ARHGAP6: variants seen among roughly 807,000 people sequenced by gnomAD.
The protein encoded by ARHGAP6 is rho GTPase-activating protein 6.
Under a neutral mutation model 55.7 loss-of-function variants are expected in ARHGAP6, and 16 were observed. The observed-to-expected ratio is 0.29, with a 90% CI of 0.19 to 0.44. The LOEUF is 0.44. Ranked by LOEUF, ARHGAP6 falls within the 20% of genes least tolerant of loss-of-function variation. The probability of loss-of-function intolerance (pLI) is 1.00; values close to 1 mark genes in which losing one functional copy is unlikely to be tolerated. For missense variants in ARHGAP6, 698 were observed against 808.9 expected (o/e 0.86, Z 1.66); for synonymous variants, 382 against 360.9 (o/e 1.06, Z -0.66).
chrX:11,254,080 C>A lies in ARHGAP6; in HGVS notation c.748+468G>T, dbSNP rs140141835. Among the ~76,000 whole-genome samples, 765 of 111,379 alleles carry A rather than the reference C, an allele frequency of 6.9e-3. 3 individuals carry two copies. Among genetic ancestry groups the A allele is most frequent in the African/African-American group, 0.023 (718 of 30,619 alleles). ...TCCAGTGCAACATACAACACACCAGCTGAAAAACTGGCTAAAAAGGAGTTA... is the reference window on the plus strand; with the variant it reads ...TCCAGTGCAACATACAACACACCAGATGAAAAACTGGCTAAAAAGGAGTTA... On this transcript the variant is annotated intron_variant, in intron 2 of 12. Coordinates refer to ENST00000337414, the MANE Select transcript of ARHGAP6 (RefSeq NM_013427.3).
At chrX:11,174,592 T>TTCTTTTTC (rs1555964732) in intron 8 of ARHGAP6, among the ~76,000 whole-genome samples, 68 of 67,433 alleles carry the variant, frequency 1.0e-3, no homozygotes, top group East Asian at 5.6e-3. Context: ...CTTTCTTTCT[T>TTCTTTTTC]TTTCTTTCTT....
chrX:11,566,795 T>A, intron 1 of ARHGAP6, among the ~76,000 whole-genome samples: 1 of 112,385 alleles, frequency 8.9e-6, no homozygotes, highest in Non-Finnish European at 1.9e-5. Context: ...AAAAAAGGAT[T>A]GCAAAGCATA....
At chrX:11,324,636 G>C (rs969078729) in intron 1 of ARHGAP6, among the ~76,000 whole-genome samples, 4 of 110,382 alleles carry the variant, frequency 3.6e-5, no homozygotes, top group Admixed American at 2.9e-4. Context: ...TTTGTCTTCA[G>C]TTAATAAAAT....
rs1193346683 is a variant in ARHGAP6, at chrX:11,596,438, G to C, written c.588+67803C>G. 1.7e-4 allele frequency among the ~76,000 whole-genome samples: 19 copies of C among 111,250 alleles called. No individual in the cohort carries two copies. The Admixed American group carries it at 1.8e-3, about 11-fold the overall frequency. On this transcript the variant is annotated intron_variant, in intron 1 of 12. Coordinates refer to ENST00000337414, the MANE Select transcript of ARHGAP6 (RefSeq NM_013427.3). ...GACCTGTCAGTGGGTTGGGGGAGTA[G>C]GGGAGGGATAACATTAGGAGAAATA...
intron 1 of ARHGAP6, among the ~76,000 whole-genome samples, chrX:11,391,231 A>G (rs754684929): frequency 1.7e-4 from 19 of 111,192 alleles, no homozygotes; most frequent in Admixed American, 4.8e-4. Context: ...ACCAAACACC[A>G]CATGTTCTCA....
At chrX:11,374,548 A>C (rs1023026629) in intron 1 of ARHGAP6, among the ~76,000 whole-genome samples, 2 of 112,279 alleles carry the variant, frequency 1.8e-5, no homozygotes, top group African/African-American at 6.5e-5. Context: ...ATTCCTCAGA[A>C]GTAGGCAATC....
chrX:11,138,560 T>G lies in ARHGAP6; in HGVS notation c.*303A>C. Reference sequence around the variant, plus strand: ...AAAACCGAAGACACATAAATACGGTTAGGCTATACCAAGCAAGAGTTGTAT... The same window carrying G: ...AAAACCGAAGACACATAAATACGGTGAGGCTATACCAAGCAAGAGTTGTAT... On this transcript the variant is annotated 3_prime_UTR_variant, in exon 13 of 13. Transcript: ENST00000337414. 1 of 345,063 alleles carries G rather than the reference T, an allele frequency of 2.9e-6. No homozygotes were observed. Among genetic ancestry groups the G allele is most frequent in the Admixed American group, 5.5e-5 (1 of 18,133 alleles). The allele number at this position is 345,063 out of a possible 1,213,427, so 28.4% of individuals were successfully genotyped here.
intron 1 of ARHGAP6, among the ~76,000 whole-genome samples, chrX:11,618,865 A>G (rs1002416957): frequency 8.9e-6 from 1 of 111,756 alleles, no homozygotes; most frequent in African/African-American, 3.3e-5. Context: ...GAGCATAGTC[A>G]CTGTATGTCC....
chrX:11,174,523 TTCCTTCCTTCC>T (rs1569240935), intron 8 of ARHGAP6, among the ~76,000 whole-genome samples: 662 of 45,132 alleles, frequency 0.015, 5 homozygotes, highest in African/African-American at 0.054. Flanking sequence ...CTTTCTTTCC[TTCCTTCCTTCC>T]TTCCTTCCTT....
intron 1 of ARHGAP6, among the ~76,000 whole-genome samples, chrX:11,318,056 A>G (rs2048381225): frequency 1.8e-5 from 2 of 112,383 alleles, no homozygotes; most frequent in Admixed American, 1.9e-4. Flanking sequence ...ATACCCTTAA[A>G]TATTCCCTTC....
chrX:11,465,508 A>G (rs1384149533), intron 1 of ARHGAP6, among the ~76,000 whole-genome samples: 1 of 112,368 alleles, frequency 8.9e-6, no homozygotes, highest in Non-Finnish European at 1.9e-5. Flanking sequence ...CCCAAATCGT[A>G]TTTCAACATG....
chrX:11,446,522 G>GA (rs1246073782), intron 1 of ARHGAP6, among the ~76,000 whole-genome samples: 4 of 108,819 alleles, frequency 3.7e-5, no homozygotes, highest in Admixed American at 9.8e-5. Context: ...ACACTGAAAA[G>GA]AAAAAAAAAT....
At chrX:11,230,675 G>GTT (rs1471091879) in intron 2 of ARHGAP6, among the ~76,000 whole-genome samples, 6 of 109,149 alleles carry the variant, frequency 5.5e-5, no homozygotes, top group African/African-American at 2.0e-4. Flanking sequence ...ATGTGTGTGT[G>GTT]TGTATGTATA....
At chrX:11,425,844 G>T (rs769740881) in intron 1 of ARHGAP6, among the ~76,000 whole-genome samples, 1 of 111,188 alleles carries the variant, frequency 9.0e-6, no homozygotes, top group Non-Finnish European at 1.9e-5. Flanking sequence ...TCCCCCACCC[G>T]CACTCTTGCA....
intron 1 of ARHGAP6, among the ~76,000 whole-genome samples, chrX:11,593,533 A>G (rs1379116826): frequency 8.9e-6 from 1 of 111,742 alleles, no homozygotes; most frequent in African/African-American, 3.3e-5. Context: ...CATTTTTCCA[A>G]ATTCACAGAA....
intron 1 of ARHGAP6, among the ~76,000 whole-genome samples, chrX:11,454,101 G>A (rs1003995222): frequency 3.1e-4 from 31 of 99,818 alleles, no homozygotes; most frequent in Non-Finnish European, 1.0e-4. Flanking sequence ...CTGCCACCAC[G>A]CACGGCTAAT....
chrX:11,397,618 C>G (rs1055801558), intron 1 of ARHGAP6, among the ~76,000 whole-genome samples: 1 of 112,152 alleles, frequency 8.9e-6, no homozygotes, highest in Non-Finnish European at 1.9e-5. Context: ...GTGACTCACG[C>G]CTGTTTTCCT....
At chrX:11,427,547 C>G in intron 1 of ARHGAP6, 1 of 929,005 alleles carries the variant, frequency 1.1e-6, no homozygotes, top group South Asian at 2.2e-5. Context: ...AGGACACTCA[C>G]CGCGTAGTGC....
intron 10 of ARHGAP6, among the ~76,000 whole-genome samples, chrX:11,153,971 A>G (rs1235623833): frequency 9.6e-6 from 1 of 104,096 alleles, no homozygotes; most frequent in Non-Finnish European, 2.0e-5. Flanking sequence ...CCCTCCCCCC[A>G]TCCCACAACA....
Sources: gnomAD v4.1 joint callset for allele counts (sites outside exome capture counted in the v4.1 genomes callset) on GRCh38, gnomAD v4.1.1 for gene constraint, MANE v1.5 for transcripts, NCBI Gene and HGNC (gene_info 2026-07-23, HGNC 2026-07-21) for gene names.